The following CHD7 variants were observed in gnomAD, a reference collection of about 807,000 sequenced individuals.
CHD7 encodes the protein ATP-dependent chromatin remodeler CHD7.
CHD7 carries 24 observed loss-of-function variants against 307.3 expected under a neutral mutation model. The ratio of observed to expected loss-of-function variants is 0.08; its 90% CI spans 0.06 to 0.11. The LOEUF (loss-of-function observed/expected upper bound fraction) is 0.11. Ranked by LOEUF, CHD7 falls within the 10% of genes least tolerant of loss-of-function variation. The pLI, the probability that CHD7 is intolerant of heterozygous loss-of-function variation, is 1.00. For synonymous variants in CHD7, 1,363 were observed against 1,349.9 expected, an observed-to-expected ratio of 1.01 and a Z score of -0.21; for missense variants, 3,106 against 3,727.1, an observed-to-expected ratio of 0.83 and a Z score of 4.34.
Position 60,800,515 on chromosome 8 carries a change from C to A in CHD7, c.2366C>A (p.Ser789Ter). The change falls in exon 5 of 38, where the codon TCA (serine) becomes TAA (stop). Residue 789 changes from serine to a stop codon, truncating the protein, a stop_gained. Transcript: ENST00000423902. LOFTEE classifies it high-confidence loss of function. ...GRDSPSNTSQ[S>*]EQQESVDAEG... Reference sequence around the variant, plus strand: ...GATTCCCCCTCCAACACCTCCCAGTCAGAACAGCAGGTTAGTACCAGATCT... The same window carrying A: ...GATTCCCCCTCCAACACCTCCCAGTAAGAACAGCAGGTTAGTACCAGATCT... 1 of 1,613,280 alleles carries A rather than the reference C, an allele frequency of 6.2e-7. No homozygotes were observed. The highest frequency in any genetic ancestry group is 1.1e-5 in the South Asian group (1 of 90,956).
chr8:60,782,066 G>T (rs918953952), intron 3 of CHD7, among the ~76,000 whole-genome samples: 1 of 152,006 alleles, frequency 6.6e-6, no homozygotes. Flanking sequence ...CCATTTATTC[G>T]GTAAGAAAAA....
intron 8 of CHD7, among the ~76,000 whole-genome samples, chr8:60,818,874 G>A (rs145626938): frequency 3.8e-4 from 58 of 152,300 alleles, no homozygotes; most frequent in African/African-American, 1.2e-3. Context: ...TAATTGAGAG[G>A]TGCACATAAT....
intron 3 of CHD7, among the ~76,000 whole-genome samples, chr8:60,792,701 G>A (rs889570408): frequency 1.3e-4 from 20 of 152,078 alleles, no homozygotes; most frequent in Admixed American, 9.8e-4. Context: ...GGCTCTGGTC[G>A]GTTTCCAGAT....
chr8:60,828,766 C>G lies in CHD7; in HGVS notation c.3482C>G (p.Thr1161Arg), dbSNP rs1344168572. The change falls in exon 14 of 38, where the codon ACA (threonine) becomes AGA (arginine). Residue 1161 changes from threonine (T) to arginine (R), a missense_variant. By Grantham distance (71) the Thr-to-Arg change is moderately conservative (BLOSUM62 -1). Coordinates refer to ENST00000423902, the MANE Select transcript of CHD7 (RefSeq NM_017780.4). ...LEPSRFPSET[T>R]FMQEFGDLKT... The stretch of plus-strand genomic sequence containing the variant: ...CCAAGTCGCTTCCCTTCAGAAACCA[C>G]ATTTATGCAAGAATTTGGTGATCTA... The G allele has an allele frequency of 1.2e-6, 2 of 1,613,578 alleles. No homozygotes were observed. Among genetic ancestry groups the G allele is most frequent in the Admixed American group, 1.7e-5 (1 of 59,970 alleles).
At chr8:60,801,639 C>G in intron 6 of CHD7, 46 bp downstream of exon 6, 1 of 1,207,788 alleles carries the variant, frequency 8.3e-7, no homozygotes, top group South Asian at 1.4e-5. Flanking sequence ...GTATGTGACT[C>G]TTACAGGATT....
chr8:60,767,456 G>A (rs1810524782), intron 2 of CHD7, among the ~76,000 whole-genome samples: 1 of 152,200 alleles, frequency 6.6e-6, no homozygotes, highest in African/African-American at 2.4e-5. Flanking sequence ...TGTTTTAAAT[G>A]ACTGAAAGAA....
intron 1 of CHD7, among the ~76,000 whole-genome samples, chr8:60,737,270 T>C (rs1253563240): frequency 6.6e-6 from 1 of 152,192 alleles, no homozygotes; most frequent in Non-Finnish European, 1.5e-5. Context: ...GGAAAGGAAA[T>C]TCACTTCTAT....
Position 60,856,880 on chromosome 8 carries a change from T to C in CHD7, c.7600T>C (p.Leu2534=), listed in dbSNP as rs2129654017. The C allele has an allele frequency of 6.5e-7, 1 of 1,546,000 alleles. No homozygotes were observed. The highest frequency in any genetic ancestry group is 8.7e-7 in the Non-Finnish European group (1 of 1,148,532). The change falls in exon 34 of 38, where the codon TTG becomes CTG. Residue 2534 remains leucine (L), a synonymous_variant. Coordinates refer to ENST00000423902, the MANE Select transcript of CHD7 (RefSeq NM_017780.4). ...TTTCATGAGCCACAAACGGACGTCA[T>C]TGAGTGCAGTAAGTTGGGGAGCTTG... ...LLFMSHKRTS[L]SAEDAEVTKA...
intron 3 of CHD7, among the ~76,000 whole-genome samples, chr8:60,783,344 GT>G (rs1172793008): frequency 6.6e-6 from 1 of 152,176 alleles, no homozygotes; most frequent in African/African-American, 2.4e-5. Flanking sequence ...CTGTTTGAAA[GT>G]TGGAGCACCA....
chr8:60,703,850 A>G (rs1219199286), intron 1 of CHD7, among the ~76,000 whole-genome samples: 1 of 152,224 alleles, frequency 6.6e-6, no homozygotes, highest in Non-Finnish European at 1.5e-5. Flanking sequence ...GCGAAGTCAG[A>G]TATAACTTCA....
rs562721739 is a variant in CHD7 at position 60,831,017 on chromosome 8, G to A, written c.3778+440G>A. On this transcript the variant is annotated intron_variant, in intron 15 of 37. Transcript: ENST00000423902. ...AGCAAATGTCCTCATCTTCCTCTCA[G>A]TCCAGAGTCATCTAGCACCTCTATC... 2.6e-5 allele frequency among the ~76,000 whole-genome samples: 4 copies of A among 152,238 alleles called. No individual in the cohort carries two copies. In the South Asian group the frequency reaches 6.2e-4, roughly 24 times the overall value.
At chr8:60,829,474 G>A (rs530050230) in intron 14 of CHD7, among the ~76,000 whole-genome samples, 2 of 152,224 alleles carry the variant, frequency 1.3e-5, no homozygotes, top group Non-Finnish European at 2.9e-5. Context: ...GGTGGAACAC[G>A]CCTGTAGCCC....
At chr8:60,822,223 G>T (rs888913361) in intron 11 of CHD7, 78 bp downstream of exon 11, 40 of 1,317,554 alleles carry the variant, frequency 3.0e-5, no homozygotes, top group Non-Finnish European at 3.7e-5. Flanking sequence ...TAATAAAAAA[G>T]AACTTAATGT....
intron 3 of CHD7, among the ~76,000 whole-genome samples, chr8:60,786,045 C>G (rs1811477319): frequency 6.6e-6 from 1 of 152,166 alleles, no homozygotes; most frequent in Non-Finnish European, 1.5e-5. Context: ...GGCTTTGTCT[C>G]CCGACCTGTC....
At chr8:60,850,119 G>A (rs969199087) in intron 25 of CHD7, among the ~76,000 whole-genome samples, 5 of 152,186 alleles carry the variant, frequency 3.3e-5, no homozygotes, top group Non-Finnish European at 7.3e-5. Flanking sequence ...GTGGATGGGG[G>A]TGGACTCAGT....
chr8:60,855,870 A>T, intron 32 of CHD7, 105 bp from the exon 33 acceptor site: 1 of 721,042 alleles, frequency 1.4e-6, no homozygotes, highest in Non-Finnish European at 2.3e-6. Flanking sequence ...CCTCCAGTTG[A>T]CTTTTAAACA....
intron 4 of CHD7, among the ~76,000 whole-genome samples, chr8:60,798,886 A>G (rs1420583921): frequency 1.3e-5 from 2 of 152,234 alleles, no homozygotes; most frequent in African/African-American, 4.8e-5. Flanking sequence ...AGCTTCCAAA[A>G]TGAATTCTTT....
intron 2 of CHD7, among the ~76,000 whole-genome samples, chr8:60,765,231 GCA>G (rs1810411509): frequency 2.2e-5 from 3 of 134,906 alleles, no homozygotes; most frequent in African/African-American, 8.3e-5. Context: ...ACACACACAC[GCA>G]CACGCATGCA....
At chr8:60,779,435 C>T (rs575739397) in intron 2 of CHD7, among the ~76,000 whole-genome samples, 17 of 152,286 alleles carry the variant, frequency 1.1e-4, no homozygotes, top group East Asian at 5.8e-4. Flanking sequence ...ATCTTAGCTC[C>T]GTCACTAACT....
Sources: allele counts gnomAD v4.1 joint callset (sites outside exome capture counted in the v4.1 genomes callset), GRCh38; gene constraint gnomAD v4.1.1; transcripts MANE v1.5; gene names NCBI Gene and HGNC (gene_info 2026-07-23, HGNC 2026-07-21).